Variants in WASHC3 observed in about 807,000 individuals in gnomAD.
The protein encoded by WASHC3 is WASH complex subunit CCDC53.
A neutral mutation model predicts 26.1 loss-of-function variants in WASHC3; 24 were observed. The observed-to-expected ratio is 0.92, with a 90% CI of 0.66 to 1.29. The LOEUF (loss-of-function observed/expected upper bound fraction) is 1.29, where lower values mean the gene tolerates loss of function less well. WASHC3 is among the 50% of genes most tolerant of loss of function. The pLI is 0.00. For synonymous variants in WASHC3, 77 were observed against 75.7 expected (o/e 1.02, Z -0.09); for missense variants, 214 against 229.6 (o/e 0.93, Z 0.44).
At position 102,055,761 on chromosome 12, in the gene WASHC3, T is replaced by C. The variant is rs181302740; in HGVS notation, c.150+5487A>G. ...GTGGTAGCTGGGGTGAATTTTTAGA[T>C]GGTCCCAATTTTCTACAGGAATGTT... is the stretch of plus-strand genomic sequence containing the variant. On this transcript the variant is annotated intron_variant, in intron 2 of 6. Transcript: ENST00000240079. Among the ~76,000 whole-genome samples, 8 of 152,348 alleles carry C rather than the reference T, an allele frequency of 5.3e-5. No individual in the cohort carries two copies. In the East Asian group the frequency reaches 1.3e-3, roughly 26 times the overall value.
chr12:102,048,767 T>A lies in WASHC3; in HGVS notation c.151-2648A>T, dbSNP rs182612062. ...AGAACCTACTAGTATGTCATAGTTT[T>A]AAATTTTTTTAAGTATATAACTGGT... On this transcript the variant is annotated intron_variant, in intron 2 of 6. Coordinates refer to ENST00000240079, the MANE Select transcript of WASHC3 (RefSeq NM_016053.4). Among the ~76,000 whole-genome samples, 206 of 152,328 alleles carry A rather than the reference T, an allele frequency of 1.4e-3. 1 individual carries two copies. The highest frequency in any genetic ancestry group is 4.7e-3 in the African/African-American group (197 of 41,580).
intron 2 of WASHC3, among the ~76,000 whole-genome samples, chr12:102,052,480 G>A (rs1878431364): frequency 1.3e-5 from 2 of 152,228 alleles, no homozygotes; most frequent in Admixed American, 1.3e-4. Flanking sequence ...TTCCAGACCA[G>A]CTCAAGGCTC....
chr12:102,034,860 C>G (rs1877588375), intron 5 of WASHC3, among the ~76,000 whole-genome samples: 1 of 150,410 alleles, frequency 6.6e-6, no homozygotes, highest in South Asian at 2.1e-4. Context: ...ATAAGTAAAT[C>G]TTGGGGACTG....
At chr12:102,059,047 G>A (rs1186340415) in intron 2 of WASHC3, among the ~76,000 whole-genome samples, 1 of 152,112 alleles carries the variant, frequency 6.6e-6, no homozygotes, top group Non-Finnish European at 1.5e-5. Flanking sequence ...GGGGCTTGGG[G>A]TTAAGAGGAT....
At chr12:102,043,173 A>G (rs919246452) in intron 4 of WASHC3, among the ~76,000 whole-genome samples, 1 of 152,226 alleles carries the variant, frequency 6.6e-6, no homozygotes, top group East Asian at 1.9e-4. Context: ...GAGATGCTTC[A>G]TTCTAACAAG....
chr12:102,036,945 CTATT>C (rs1480854446), intron 5 of WASHC3, among the ~76,000 whole-genome samples: 1 of 152,090 alleles, frequency 6.6e-6, no homozygotes, highest in African/African-American at 2.4e-5. Flanking sequence ...AATAAAACAA[CTATT>C]TATTTTCTTA....
At chr12:102,016,097 C>T (rs896593130) in intron 6 of WASHC3, among the ~76,000 whole-genome samples, 6 of 152,152 alleles carry the variant, frequency 3.9e-5, no homozygotes, top group Admixed American at 1.3e-4. Flanking sequence ...ACCATGTTGG[C>T]CAGGCTGGTC....
At chr12:102,038,247 A>G (rs536181929) in intron 5 of WASHC3, among the ~76,000 whole-genome samples, 1 of 152,254 alleles carries the variant, frequency 6.6e-6, no homozygotes, top group East Asian at 1.9e-4. Flanking sequence ...CTTAGCTTCA[A>G]GTAAGTGTTT....
intron 1 of WASHC3, 49 bp from the exon 2 acceptor site, chr12:102,061,395 G>T: frequency 2.5e-6 from 3 of 1,217,628 alleles, no homozygotes; most frequent in Non-Finnish European, 2.4e-6. Flanking sequence ...AACGTACACA[G>T]TGCAAATCTT....
chr12:102,047,071 T>C (rs1290984621), intron 2 of WASHC3, among the ~76,000 whole-genome samples: 2 of 152,218 alleles, frequency 1.3e-5, no homozygotes, highest in Non-Finnish European at 2.9e-5. Context: ...ATAATTAAAT[T>C]GTCAATGTAC....
At chr12:102,056,062 A>G (rs536855112) in intron 2 of WASHC3, among the ~76,000 whole-genome samples, 20 of 152,338 alleles carry the variant, frequency 1.3e-4, no homozygotes, top group Non-Finnish European at 2.8e-4. Context: ...TTTCACAACT[A>G]TGTAAGACAA....
At chr12:102,047,415 CAA>C (rs1308903239) in intron 2 of WASHC3, among the ~76,000 whole-genome samples, 3 of 152,146 alleles carry the variant, frequency 2.0e-5, no homozygotes, top group Non-Finnish European at 4.4e-5. Context: ...TTGATATCGA[CAA>C]AGACATAATC....
chr12:102,039,328 G>A (rs1254248523), intron 5 of WASHC3, among the ~76,000 whole-genome samples: 2 of 151,554 alleles, frequency 1.3e-5, no homozygotes, highest in Non-Finnish European at 2.9e-5. Context: ...TTCAACTACT[G>A]AAATACTTTC....
chr12:102,030,122 CGT>C (rs993693482), intron 5 of WASHC3, among the ~76,000 whole-genome samples: 2 of 151,806 alleles, frequency 1.3e-5, no homozygotes, highest in Non-Finnish European at 2.9e-5. Flanking sequence ...ATGGAGAAAC[CGT>C]GTCTCTACTA....
At chr12:102,044,318 A>G (rs1323012164) in intron 3 of WASHC3, 106 bp from the exon 4 acceptor site, 20 of 431,668 alleles carry the variant, frequency 4.6e-5, no homozygotes, top group Non-Finnish European at 7.4e-5. Flanking sequence ...TAGGTTCACA[A>G]TATCTTGTCT....
chr12:102,020,414 T>A (rs1037376312), intron 6 of WASHC3, among the ~76,000 whole-genome samples: 1 of 152,168 alleles, frequency 6.6e-6, no homozygotes, highest in Non-Finnish European at 1.5e-5. Context: ...CTAGTTTGAG[T>A]TGGTTTCTGC....
chr12:102,057,496 T>C (rs1057393675), intron 2 of WASHC3, among the ~76,000 whole-genome samples: 1 of 152,176 alleles, frequency 6.6e-6, no homozygotes, highest in African/African-American at 2.4e-5. Context: ...GCAGATGGCA[T>C]GCTCTTATAT....
At chr12:102,049,360 GA>G (rs1878297777) in intron 2 of WASHC3, among the ~76,000 whole-genome samples, 1 of 152,180 alleles carries the variant, frequency 6.6e-6, no homozygotes, top group Non-Finnish European at 1.5e-5. Context: ...TCTCACCTCT[GA>G]AAGTTTTAGC....
Position 102,026,031 on chromosome 12 carries a change from G to T in WASHC3, c.443C>A (p.Pro148Gln). 1 of 1,537,096 alleles carries T rather than the reference G, an allele frequency of 6.5e-7. No homozygotes were observed. The highest frequency in any genetic ancestry group is 1.2e-5 in the South Asian group (1 of 84,114). Residue 148 changes from proline to glutamine, a missense_variant, in exon 6 of 7, where the codon CCA becomes CAA. Coordinates refer to ENST00000240079, the MANE Select transcript of WASHC3 (RefSeq NM_016053.4). ...RYLKMVQVGV[P>Q]VMAIRNKMIS... The stretch of plus-strand genomic sequence containing the variant: ...CATTTTGTTTCTTATTGCCATCACT[G>T]GTACACCCTAAGCAAAGGATATAAG...
Sources: allele counts gnomAD v4.1 joint callset (sites outside exome capture counted in the v4.1 genomes callset), GRCh38; gene constraint gnomAD v4.1.1; transcripts MANE v1.5; gene names NCBI Gene and HGNC (gene_info 2026-07-23, HGNC 2026-07-21).